Variants in NIPAL2 observed in about 807,000 individuals in gnomAD.
The protein encoded by NIPAL2 is NIPA-like protein 2.
NIPAL2 carries 43 observed loss-of-function variants against 48.9 expected under a neutral mutation model. The observed-to-expected ratio is 0.88, with a 90% CI of 0.69 to 1.13. NIPAL2 has a LOEUF of 1.13. Among genes scored for constraint, NIPAL2 ranks in the 50% most tolerant of loss-of-function variants. The pLI, the probability that NIPAL2 is intolerant of heterozygous loss-of-function variation, is 0.00. For synonymous variants in NIPAL2, 167 were observed against 174.6 expected, an observed-to-expected ratio of 0.96 and a Z score of 0.34; for missense variants, 446 against 461.4, an observed-to-expected ratio of 0.97 and a Z score of 0.31.
In NIPAL2 at chr8:98,294,089, G is replaced by T; in HGVS notation, c.49C>A (p.Leu17Met). 6.7e-7 allele frequency: 1 copy of T among 1,491,764 alleles called. No individual in the cohort carries two copies. Among genetic ancestry groups the T allele is most frequent in the South Asian group, 1.3e-5 (1 of 78,316 alleles). 92.4% of individuals were successfully genotyped at this position (1,491,764 alleles called of 1,614,324 possible). A position where few individuals can be genotyped will look rare whatever the true frequency, so the allele number is the denominator to read the frequency against. Residue 17 changes from leucine (L) to methionine (M), a missense_variant, in exon 1 of 11, where the codon CTG (leucine) becomes ATG (methionine). Physicochemically the swap from Leu to Met is conservative, Grantham distance 15. Coordinates refer to ENST00000430223, the MANE Select transcript of NIPAL2 (RefSeq NM_001321635.2). ...AGPGDSASAA[L>M]DELSLNFTYG... ...GTGAAATTCAGTGACAGCTCGTCCA[G>T]GGCGGCCGAGGCGGAGTCCCCGGGG... is the stretch of plus-strand genomic sequence containing the variant.
intron 5 of NIPAL2, among the ~76,000 whole-genome samples, chr8:98,218,706 A>G (rs913440629): frequency 6.6e-6 from 1 of 152,214 alleles, no homozygotes; most frequent in Non-Finnish European, 1.5e-5. Flanking sequence ...CTTCTGGAAT[A>G]AGACAGGCAG....
intron 1 of NIPAL2, among the ~76,000 whole-genome samples, chr8:98,283,956 G>C (rs1234301511): frequency 6.6e-6 from 1 of 152,084 alleles, no homozygotes; most frequent in African/African-American, 2.4e-5. Context: ...TTCTGAAATC[G>C]AGGCAGACAA....
At chr8:98,204,989 G>T (rs188475426) in intron 7 of NIPAL2, 122 bp downstream of exon 7, 22 of 1,042,556 alleles carry the variant, frequency 2.1e-5, no homozygotes, top group Non-Finnish European at 2.8e-5. Context: ...CAAGCTACAG[G>T]CCCTTCACCC....
intron 3 of NIPAL2, among the ~76,000 whole-genome samples, chr8:98,243,281 T>C (rs1027332567): frequency 6.6e-6 from 1 of 152,176 alleles, no homozygotes; most frequent in Admixed American, 6.5e-5. Context: ...GCAATCAAAA[T>C]GGAGATTCAT....
intron 1 of NIPAL2, among the ~76,000 whole-genome samples, chr8:98,272,760 G>A (rs984681972): frequency 2.6e-5 from 4 of 151,946 alleles, no homozygotes; most frequent in African/African-American, 9.7e-5. Flanking sequence ...GACTACAGAC[G>A]CGTGGCACAA....
intron 1 of NIPAL2, among the ~76,000 whole-genome samples, chr8:98,266,197 G>A (rs571018081): frequency 6.6e-6 from 1 of 150,944 alleles, no homozygotes; most frequent in Non-Finnish European, 1.5e-5. Context: ...GCAACTTAGT[G>A]GGTGCAGTGC....
At chr8:98,270,479 CT>C (rs574788237) in intron 1 of NIPAL2, among the ~76,000 whole-genome samples, 2 of 152,054 alleles carry the variant, frequency 1.3e-5, no homozygotes, top group African/African-American at 2.4e-5. Flanking sequence ...ACTTGAATGT[CT>C]TTTGAGAAGT....
chr8:98,203,678 C>T (rs1810904111), intron 7 of NIPAL2, among the ~76,000 whole-genome samples: 1 of 152,226 alleles, frequency 6.6e-6, no homozygotes, highest in Non-Finnish European at 1.5e-5. Flanking sequence ...GCTTCTCATT[C>T]TGGCCACCAA....
intron 1 of NIPAL2, among the ~76,000 whole-genome samples, chr8:98,263,671 T>A (rs1239740765): frequency 2.1e-5 from 3 of 143,836 alleles, no homozygotes; most frequent in Non-Finnish European, 3.0e-5. Context: ...CAGGACCAGA[T>A]GGATTCACAG....
In NIPAL2 at chr8:98,294,113, G is replaced by C; in HGVS notation, c.25C>G (p.Pro9Ala). 6.8e-7 allele frequency: 1 copy of C among 1,474,640 alleles called. No individual in the cohort carries two copies. Among genetic ancestry groups the C allele is most frequent in the Non-Finnish European group, 9.0e-7 (1 of 1,112,236 alleles). The allele number at this position is 1,474,640 out of a possible 1,614,324, so 91.3% of individuals were successfully genotyped here. The part of the protein sequence containing the change: MAAVAPAG[P>A]GDSASAALDE... ...AGGGCGGCCGAGGCGGAGTCCCCGG[G>C]GCCCGCGGGCGCCACCGCTGCCATG... is the stretch of plus-strand genomic sequence containing the variant. Residue 9 changes from proline (P) to alanine (A), a missense_variant, in exon 1 of 11, where the codon CCC becomes GCC. Coordinates refer to ENST00000430223, the MANE Select transcript of NIPAL2 (RefSeq NM_001321635.2).
chr8:98,274,403 T>G (rs1390885174), intron 1 of NIPAL2, among the ~76,000 whole-genome samples: 1 of 152,006 alleles, frequency 6.6e-6, no homozygotes, highest in African/African-American at 2.4e-5. Flanking sequence ...ATATTAAAAA[T>G]CTACCACAAA....
intron 1 of NIPAL2, among the ~76,000 whole-genome samples, chr8:98,276,790 T>C (rs1038000240): frequency 7.9e-5 from 12 of 151,908 alleles, no homozygotes; most frequent in African/African-American, 2.7e-4. Flanking sequence ...TTCTTTTTTT[T>C]TTGAGACAGT....
intron 1 of NIPAL2, among the ~76,000 whole-genome samples, chr8:98,255,694 A>G (rs1330329563): frequency 1.3e-5 from 2 of 152,246 alleles, no homozygotes; most frequent in African/African-American, 4.8e-5. Flanking sequence ...TCATGGGGAA[A>G]CAATTGAGGC....
chr8:98,232,307 A>G (rs142227936), intron 4 of NIPAL2, among the ~76,000 whole-genome samples: 14 of 152,324 alleles, frequency 9.2e-5, no homozygotes, highest in African/African-American at 3.4e-4. Flanking sequence ...AATGTGACTT[A>G]TGAGTTACAT....
chr8:98,280,761 T>TATATATAG, intron 1 of NIPAL2, among the ~76,000 whole-genome samples: 399 of 30,016 alleles, frequency 0.013, 12 homozygotes, highest in Admixed American at 0.035. Flanking sequence ...TATATATATA[T>TATATATAG]AGAGAGAGAG....
At chr8:98,289,858 G>T (rs1816399994) in intron 1 of NIPAL2, among the ~76,000 whole-genome samples, 1 of 152,170 alleles carries the variant, frequency 6.6e-6, no homozygotes, top group South Asian at 2.1e-4. Context: ...TTCTTTAAGG[G>T]ATAGTCATAT....
At chr8:98,293,763 C>G (rs577560345) in intron 1 of NIPAL2, among the ~76,000 whole-genome samples, 111 of 152,238 alleles carry the variant, frequency 7.3e-4, no homozygotes, top group Non-Finnish European at 1.4e-3. Context: ...GGCCGAAGAC[C>G]TGGGCGCCCA....
rs1158768695 is a variant in NIPAL2, at chr8:98,216,699, T to C, written c.559-4198A>G. ...GAGAAAATGAGCAATGTGCAGATTA[T>C]TTTGTGAAGGATTTTATGTTCACAA... On this transcript the variant is annotated intron_variant, in intron 5 of 10. Transcript: ENST00000430223. Among the ~76,000 whole-genome samples, 5 of 152,336 alleles carry C rather than the reference T, an allele frequency of 3.3e-5. No homozygotes were observed. The East Asian group carries it at 9.7e-4, about 29-fold the overall frequency.
At chr8:98,194,429 A>G (rs1001453982) in intron 10 of NIPAL2, among the ~76,000 whole-genome samples, 1 of 152,098 alleles carries the variant, frequency 6.6e-6, no homozygotes, top group South Asian at 2.1e-4. Context: ...GCTGGTAGTC[A>G]TTGCTACTCT....
Sources: allele counts gnomAD v4.1 joint callset (sites outside exome capture counted in the v4.1 genomes callset), GRCh38; gene constraint gnomAD v4.1.1; transcripts MANE v1.5; gene names NCBI Gene and HGNC (gene_info 2026-07-23, HGNC 2026-07-21).